KIF5C: variants seen among roughly 807,000 people sequenced by gnomAD.
KIF5C encodes kinesin family member 5C.
In KIF5C, 18 loss-of-function variants were observed where a neutral mutation model predicts 125.2. The ratio of observed to expected loss-of-function variants is 0.14; its 90% CI spans 0.10 to 0.21. The LOEUF is 0.21. Among genes scored for constraint, KIF5C ranks in the 10% least tolerant of loss-of-function variants. The probability of loss-of-function intolerance (pLI) is 1.00; values close to 1 mark genes in which losing one functional copy is unlikely to be tolerated. For synonymous variants in KIF5C, 405 were observed against 434.0 expected (o/e 0.93, Z 0.83); for missense variants, 780 against 1,183.8 (o/e 0.66, Z 5.01).
Position 149,011,730 on chromosome 2 carries a change from T to C in KIF5C, c.*7+47T>C, listed in dbSNP as rs1326504121. On this transcript the variant is annotated intron_variant, in intron 25 of 25. Transcript: ENST00000435030. Reference sequence around the variant, plus strand: ...GTTTCTCTATCTGGAGGCAGAGGCTTCTTGCCTTTCCAAAGCCCCTGCCTG... The same window carrying C: ...GTTTCTCTATCTGGAGGCAGAGGCTCCTTGCCTTTCCAAAGCCCCTGCCTG... 6 of 1,610,720 alleles carry C rather than the reference T, an allele frequency of 3.7e-6. No individual in the cohort carries two copies. The African/African-American group carries it at 6.7e-5, about 18-fold the overall frequency.
At chr2:148,995,087 C>T (rs1681629504) in intron 17 of KIF5C, among the ~76,000 whole-genome samples, 1 of 152,164 alleles carries the variant, frequency 6.6e-6, no homozygotes, top group Non-Finnish European at 1.5e-5. Flanking sequence ...TCAGAATCCC[C>T]TGCTCCCCAC....
intron 1 of KIF5C, among the ~76,000 whole-genome samples, chr2:148,877,493 AG>A (rs1462135952): frequency 6.6e-6 from 1 of 152,238 alleles, no homozygotes; most frequent in Non-Finnish European, 1.5e-5. Context: ...TGGGGCAGTT[AG>A]TGACTTATTT....
chr2:148,954,249 T>C lies in KIF5C; in HGVS notation c.968+3787T>C, dbSNP rs574316667. On this transcript the variant is annotated intron_variant, in intron 10 of 25. Transcript: ENST00000435030. The stretch of plus-strand genomic sequence containing the variant: ...ATCGTGCCATTAAAGAAGTAAGTGC[T>C]GTCTCCTGTGTTCTCAAAGAGCTTT... Among the ~76,000 whole-genome samples the C allele has an allele frequency of 5.3e-5, 8 of 152,298 alleles. No individual in the cohort carries two copies. In the East Asian group the frequency reaches 1.2e-3, roughly 22 times the overall value.
chr2:148,944,123 T>C (rs1432580504), intron 7 of KIF5C, among the ~76,000 whole-genome samples: 1 of 152,212 alleles, frequency 6.6e-6, no homozygotes, highest in East Asian at 1.9e-4. Flanking sequence ...AAAATTGCTA[T>C]TATTCTTATC....
At chr2:148,978,204 G>A (rs979984350) in intron 12 of KIF5C, among the ~76,000 whole-genome samples, 6 of 152,146 alleles carry the variant, frequency 3.9e-5, no homozygotes, top group South Asian at 4.2e-4. Flanking sequence ...GGTGGGCAGC[G>A]AATACCCTTG....
intron 10 of KIF5C, among the ~76,000 whole-genome samples, chr2:148,959,302 A>G (rs191898375): frequency 6.6e-6 from 1 of 152,150 alleles, no homozygotes; most frequent in Admixed American, 6.5e-5. Context: ...TTTATAAGAA[A>G]GTGATGATGT....
At position 148,947,020 on chromosome 2, in the gene KIF5C, A is replaced by G. The variant is rs375457323; in HGVS notation, c.711A>G (p.Glu237=). 63 of 1,610,332 alleles carry G rather than the reference A, an allele frequency of 3.9e-5. No individual in the cohort carries two copies. The highest frequency in any genetic ancestry group is 4.9e-5 in the Non-Finnish European group (58 of 1,178,862). ...ATTTGGTTGATTTGGCTGGGAGCGAAAAGGTAATTTGTTCTTTATTTGTAT... is the reference window on the plus strand; with the variant it reads ...ATTTGGTTGATTTGGCTGGGAGCGAGAAGGTAATTTGTTCTTTATTTGTAT... ...KLYLVDLAGS[E]KVSKTGAEGA... is the part of the protein sequence containing the mutation. The change falls in exon 8 of 26, where the codon GAA becomes GAG. Residue 237 remains glutamate, a synonymous_variant. Transcript: ENST00000435030.
intron 25 of KIF5C, among the ~76,000 whole-genome samples, chr2:149,014,732 T>C (rs1241571003): frequency 6.6e-6 from 1 of 152,178 alleles, no homozygotes; most frequent in African/African-American, 2.4e-5. Context: ...CTGCAGAAGG[T>C]GGTAGTTGAT....
rs2105104470 is a variant in KIF5C, at chr2:148,942,675, G to A, written c.504G>A (p.Gly168=). ...EDKNRVPYVK[G]CTERFVSSPE... is the part of the protein sequence containing the mutation. ...AACCTGAACTGATTCTCTTCCAGGGGTGCACTGAGCGGTTTGTGTCGAGCC... is the reference window on the plus strand; with the variant it reads ...AACCTGAACTGATTCTCTTCCAGGGATGCACTGAGCGGTTTGTGTCGAGCC... The change falls in exon 7 of 26, where the codon GGG becomes GGA. Residue 168 remains glycine, a splice_region_variant and synonymous_variant. Coordinates refer to ENST00000435030, the MANE Select transcript of KIF5C (RefSeq NM_004522.3). 9 of 1,609,366 alleles carry A rather than the reference G, an allele frequency of 5.6e-6. No individual in the cohort carries two copies. Among genetic ancestry groups the A allele is most frequent in the Non-Finnish European group, 7.6e-6 (9 of 1,178,128 alleles).
At position 148,971,302 on chromosome 2, in the gene KIF5C, A is replaced by G. The variant is rs939104828; in HGVS notation, c.1118-2034A>G. 1.1e-3 allele frequency among the ~76,000 whole-genome samples: 144 copies of G among 136,736 alleles called. 1 individual carries two copies. Among genetic ancestry groups the G allele is most frequent in the Admixed American group, 2.0e-3 (28 of 14,124 alleles). The allele number at this position is 136,736 out of a possible 152,430, so 89.7% of individuals were successfully genotyped here. On this transcript the variant is annotated intron_variant, in intron 11 of 25. Transcript: ENST00000435030. ...TGTCTGTCTGTCTGTCTATCTATCT[A>G]TCTATCTATCTATCTATCTATCTAT...
In KIF5C at chr2:148,876,856, GGCAGCCTGCTCCAGGCTGCTGAT is replaced by G. The variant is rs1218723125; in HGVS notation, c.126+1121_126+1143del. Among the ~76,000 whole-genome samples the G allele has an allele frequency of 2.6e-5, 4 of 152,292 alleles. 1 individual carries two copies. Among genetic ancestry groups the G allele is most frequent in the South Asian group, 4.1e-4 (2 of 4,822 alleles). ...TCCCGGTCCCCGCTGACACGTTCCT[GGCAGCCTGCTCCAGGCTGCTGAT>G]GCAGCCTTCCCGTCCCCAGCATTGA... On this transcript the variant is annotated intron_variant, in intron 1 of 25. Coordinates refer to ENST00000435030, the MANE Select transcript of KIF5C (RefSeq NM_004522.3). This position sits in a 1 kb window ranked among gnomAD's most constrained non-coding sequence, Gnocchi z 4.7.
chr2:148,956,617 A>G (rs900241321), intron 10 of KIF5C, among the ~76,000 whole-genome samples: 7 of 152,208 alleles, frequency 4.6e-5, no homozygotes, highest in Non-Finnish European at 8.8e-5. Context: ...AACAAGGAAA[A>G]GATGCAAAAC....
intron 1 of KIF5C, among the ~76,000 whole-genome samples, chr2:148,903,649 G>A (rs1680988462): frequency 6.6e-6 from 1 of 152,150 alleles, no homozygotes. Context: ...TACATATATT[G>A]TTATTTCGTC....
rs1682584021 is a variant in KIF5C at position 149,023,107 on chromosome 2, A to C, written c.*37A>C. On this transcript the variant is annotated 3_prime_UTR_variant, in exon 26 of 26. Transcript: ENST00000435030. ...GACTCCACGTAGCATGTCAAGGACT[A>C]CATTAATCACCAATTCCTTTATTTT... 1 of 152,154 alleles carries C rather than the reference A, an allele frequency of 6.6e-6. No individual in the cohort carries two copies. The highest frequency in any genetic ancestry group is 2.1e-4 in the South Asian group (1 of 4,826). The allele number at this position is 152,154 out of a possible 1,614,324, so 9.4% of individuals were successfully genotyped here.
intron 1 of KIF5C, chr2:148,886,234 T>A (rs1363030611): frequency 6.6e-6 from 1 of 152,370 alleles, no homozygotes; most frequent in Non-Finnish European, 1.5e-5. Flanking sequence ...AGTGAGGCTG[T>A]CAGTTCCTTC....
At chr2:148,880,794 C>G (rs1245591786) in intron 1 of KIF5C, among the ~76,000 whole-genome samples, 1 of 152,032 alleles carries the variant, frequency 6.6e-6, no homozygotes, top group East Asian at 1.9e-4. Context: ...CCTGTGAAAT[C>G]ATGGACTGAG....
chr2:148,991,674 A>G (rs1440211019), intron 16 of KIF5C, among the ~76,000 whole-genome samples: 1 of 152,170 alleles, frequency 6.6e-6, no homozygotes, highest in Admixed American at 6.5e-5. Flanking sequence ...TCTGAAAAAA[A>G]TCCTGGTAGG....
chr2:148,979,756 G>A (rs1394266531), intron 13 of KIF5C, among the ~76,000 whole-genome samples: 1 of 152,168 alleles, frequency 6.6e-6, no homozygotes, highest in African/African-American at 2.4e-5. Flanking sequence ...CAAAGAGAAC[G>A]GGGCCCGAGT....
At chr2:148,954,400 A>G (rs2105119782) in intron 10 of KIF5C, among the ~76,000 whole-genome samples, 1 of 152,340 alleles carries the variant, frequency 6.6e-6, no homozygotes, top group East Asian at 1.9e-4. Context: ...GTAGTCTTTA[A>G]TTACTCTTCT....
Sources: allele counts gnomAD v4.1 joint callset (sites outside exome capture counted in the v4.1 genomes callset), GRCh38; gene constraint gnomAD v4.1.1; non-coding constraint Gnocchi (gnomAD v3.1); transcripts MANE v1.5; gene names NCBI Gene and HGNC (gene_info 2026-07-23, HGNC 2026-07-21).